KLF8: variants seen among roughly 807,000 people sequenced by gnomAD.
KLF8 encodes KLF transcription factor 8, also known as Krueppel-like factor 8.
KLF8 carries 10 observed loss-of-function variants against 18.2 expected under a neutral mutation model. The observed-to-expected ratio is 0.55, with a 90% CI of 0.34 to 0.93. KLF8 has a LOEUF of 0.93. Ranked by LOEUF, KLF8 falls within the 40% of genes least tolerant of loss-of-function variation. KLF8 has a pLI of 0.02. For synonymous variants in KLF8, 109 were observed against 97.3 expected (o/e 1.12, Z -0.71); for missense variants, 264 against 277.9 (o/e 0.95, Z 0.36).
the KLF8 span, among the ~76,000 whole-genome samples, chrX:56,218,530 T>C: frequency 1.8e-5 from 2 of 112,031 alleles, no homozygotes; most frequent in African/African-American, 6.5e-5. Context: ...CATCATTCCA[T>C]CTGAGCAATA....
At chrX:56,276,192 G>A (rs1430772543) in intron 5 of KLF8, among the ~76,000 whole-genome samples, 1 of 106,519 alleles carries the variant, frequency 9.4e-6, no homozygotes, top group Non-Finnish European at 1.9e-5. Flanking sequence ...CCAGGCTGTA[G>A]TGCAGTGGCA....
chrX:56,195,822 C>A, the KLF8 span, among the ~76,000 whole-genome samples: 2 of 111,417 alleles, frequency 1.8e-5, no homozygotes, highest in African/African-American at 6.5e-5. Context: ...GTTTTGAGGG[C>A]AGCCAGAGAG....
Position 56,270,207 on chromosome X carries a change from G to T in KLF8, c.784G>T (p.Gly262Ter). 8.3e-7 allele frequency: 1 copy of T among 1,209,791 alleles called. No homozygotes were observed. Residue 262 changes from glycine (G) to a stop codon, truncating the protein, a stop_gained, in exon 5 of 6, where the codon GGA becomes TGA. Transcript: ENST00000468660. LOFTEE classifies it high-confidence loss of function. The part of the protein sequence containing the change: ...QEPAAMAQMQ[G>*]EESLDLKRRR... ...ACCAGCAGCAATGGCCCAAATGCAGGGAGAAGAGTCGCTTGACTTGAAGAG... is the reference window on the plus strand; with the variant it reads ...ACCAGCAGCAATGGCCCAAATGCAGTGAGAAGAGTCGCTTGACTTGAAGAG...
chrX:56,133,922 CAAA>C, the KLF8 span, among the ~76,000 whole-genome samples: 2 of 99,141 alleles, frequency 2.0e-5, no homozygotes, highest in Non-Finnish European at 4.1e-5. Context: ...ACAATATCTG[CAAA>C]AAAAAAAAAA....
Position 56,269,447 on chromosome X carries a change from G to A in KLF8, c.716G>A (p.Ser239Asn), listed in dbSNP as rs763246473. 4.8e-5 allele frequency: 58 copies of A among 1,206,695 alleles called. No homozygotes were observed. Among genetic ancestry groups the A allele is most frequent in the Admixed American group, 6.6e-5 (3 of 45,420 alleles). The change falls in exon 4 of 6, where the codon AGT becomes AAT. Residue 239 changes from serine to asparagine, a missense_variant. Transcript: ENST00000468660. ...PSDSEESTIESGSSALQSLQG... is the reference protein window; with the variant it reads ...PSDSEESTIENGSSALQSLQG... ...GACAGTGAGGAGAGTACAATTGAGA[G>A]TGGATCCTCAGCCTTGCAGAGTCTG...
At chrX:55,977,145 A>G in the KLF8 span, among the ~76,000 whole-genome samples, 2 of 112,040 alleles carry the variant, frequency 1.8e-5, no homozygotes, top group Admixed American at 1.9e-4. Context: ...TAGGACTTCT[A>G]TACTGTGTTG....
the KLF8 span, among the ~76,000 whole-genome samples, chrX:55,963,820 C>T: frequency 4.5e-5 from 5 of 112,054 alleles, no homozygotes; most frequent in African/African-American, 9.7e-5. Context: ...AGTATATATT[C>T]GTGTCATCTG....
intron 1 of KLF8, among the ~76,000 whole-genome samples, chrX:56,241,457 G>A (rs749722835): frequency 2.9e-4 from 32 of 111,898 alleles, no homozygotes; most frequent in Non-Finnish European, 4.9e-4. Flanking sequence ...ATGAGCCACC[G>A]CACCCAGTCA....
Position 56,290,485 on chromosome X carries a change from A to G in KLF8, c.*5991A>G, listed in dbSNP as rs753994632. ...ATTCTCTTACTTTCACTTTCCCTAT[A>G]TCTTCTTTGTTACTAACAATACGAT... is the stretch of plus-strand genomic sequence containing the variant. On this transcript the variant is annotated 3_prime_UTR_variant, in exon 6 of 6. Transcript: ENST00000468660. 2.3e-3 allele frequency among the ~76,000 whole-genome samples: 256 copies of G among 111,631 alleles called. 1 individual carries two copies. Among genetic ancestry groups the G allele is most frequent in the Admixed American group, 5.4e-3 (56 of 10,465 alleles).
the KLF8 span, among the ~76,000 whole-genome samples, chrX:55,937,429 C>G: frequency 8.9e-6 from 1 of 111,993 alleles, no homozygotes; most frequent in Non-Finnish European, 1.9e-5. Context: ...GGGGAAAAAA[C>G]AGAGCAGAAA....
At chrX:56,209,338 CTG>C in the KLF8 span, among the ~76,000 whole-genome samples, 47 of 111,575 alleles carry the variant, frequency 4.2e-4, no homozygotes, top group Admixed American at 3.5e-3. Context: ...TTTTCAGTCT[CTG>C]TGTGTCTTTA....
At chrX:55,989,140 G>T in the KLF8 span, among the ~76,000 whole-genome samples, 1 of 111,686 alleles carries the variant, frequency 9.0e-6, no homozygotes, top group Non-Finnish European at 1.9e-5. Flanking sequence ...CAAACATGTC[G>T]TCTGCAAACA....
At chrX:56,078,870 G>T in the KLF8 span, among the ~76,000 whole-genome samples, 1 of 107,679 alleles carries the variant, frequency 9.3e-6, no homozygotes, top group African/African-American at 3.3e-5. Flanking sequence ...TTTAGTCTTG[G>T]GAGAGTGTAT....
chrX:55,967,347 A>G, the KLF8 span, among the ~76,000 whole-genome samples: 1 of 111,565 alleles, frequency 9.0e-6, no homozygotes, highest in Non-Finnish European at 1.9e-5. Flanking sequence ...GAATAAAAAC[A>G]GGATTCTAAA....
chrX:56,065,455 A>C, the KLF8 span, among the ~76,000 whole-genome samples: 2 of 111,763 alleles, frequency 1.8e-5, no homozygotes, highest in South Asian at 7.3e-4. Context: ...TTTCTCATTA[A>C]TATCTTAAAT....
the KLF8 span, among the ~76,000 whole-genome samples, chrX:56,099,676 A>T: frequency 8.9e-6 from 1 of 111,832 alleles, no homozygotes; most frequent in Admixed American, 9.5e-5. Flanking sequence ...CTTGTTGATG[A>T]TATGGAGTTT....
At chrX:56,079,516 A>T in the KLF8 span, among the ~76,000 whole-genome samples, 1 of 111,615 alleles carries the variant, frequency 9.0e-6, no homozygotes, top group African/African-American at 3.3e-5. Flanking sequence ...ATAGTTTGTT[A>T]TAATTTCTGT....
At chrX:55,938,019 G>C in the KLF8 span, among the ~76,000 whole-genome samples, 1 of 111,171 alleles carries the variant, frequency 9.0e-6, no homozygotes, top group African/African-American at 3.3e-5. Context: ...AGGAAATACA[G>C]AGAATGCCAC....
the KLF8 span, among the ~76,000 whole-genome samples, chrX:56,167,022 C>T: frequency 1.8e-5 from 2 of 112,060 alleles, no homozygotes; most frequent in Non-Finnish European, 3.8e-5. Flanking sequence ...CATTTTCTGG[C>T]CACTCTAAAA....
Sources: allele counts gnomAD v4.1 joint callset (sites outside exome capture counted in the v4.1 genomes callset), GRCh38; gene constraint gnomAD v4.1.1; transcripts MANE v1.5; gene names NCBI Gene and HGNC (gene_info 2026-07-23, HGNC 2026-07-21).